The following CSNK1G1 variants were observed in gnomAD, a reference collection of about 807,000 sequenced individuals.
CSNK1G1 encodes casein kinase I isoform gamma-1.
Under a neutral mutation model 59.6 loss-of-function variants are expected in CSNK1G1, and 22 were observed. That is an observed-to-expected ratio of 0.37 (90% confidence interval 0.26 to 0.53). CSNK1G1 has a LOEUF of 0.53. Among genes scored for constraint, CSNK1G1 ranks in the 20% least tolerant of loss-of-function variants. The pLI, the probability that CSNK1G1 is intolerant of heterozygous loss-of-function variation, is 0.89. For missense variants in CSNK1G1, 384 were observed against 519.5 expected (o/e 0.74, Z 2.54); for synonymous variants, 179 against 177.1 (o/e 1.01, Z -0.08).
intron 2 of CSNK1G1, among the ~76,000 whole-genome samples, chr15:64,270,035 G>A (rs545126580): frequency 6.6e-6 from 1 of 152,148 alleles, no homozygotes; most frequent in East Asian, 1.9e-4. Context: ...TTGAACTCCT[G>A]ACCCTCAAGT....
intron 1 of CSNK1G1, among the ~76,000 whole-genome samples, chr15:64,331,443 A>G (rs1233188716): frequency 4.3e-5 from 2 of 46,880 alleles, no homozygotes; most frequent in South Asian, 1.5e-3. Flanking sequence ...TCCCTATTTA[A>G]TAAATGGTGC....
rs548110148 is a variant in CSNK1G1 at position 64,265,714 on chromosome 15, C to T, written c.182-6473G>A. The stretch of plus-strand genomic sequence containing the variant: ...ATTCAACCAAAGGGGTGAATGATCT[C>T]TACAAGGGAAACTATAAAATACCAA... On this transcript the variant is annotated intron_variant, in intron 2 of 11. Coordinates refer to ENST00000303052, the MANE Select transcript of CSNK1G1 (RefSeq NM_022048.5). 1.9e-3 allele frequency: 819 copies of T among 442,048 alleles called. 4 individuals are homozygous for T. The highest frequency in any genetic ancestry group is 2.6e-3 in the Non-Finnish European group (578 of 222,190). The allele number at this position is 442,048 out of a possible 1,614,324, so 27.4% of individuals were successfully genotyped here.
At chr15:64,213,183 A>G (rs2082270103) in intron 6 of CSNK1G1, among the ~76,000 whole-genome samples, 1 of 152,044 alleles carries the variant, frequency 6.6e-6, no homozygotes, top group Non-Finnish European at 1.5e-5. Context: ...TTTTCTTCAA[A>G]TAGAATCTTC....
intron 4 of CSNK1G1, among the ~76,000 whole-genome samples, chr15:64,243,606 T>C (rs1400145135): frequency 6.6e-6 from 1 of 152,164 alleles, no homozygotes; most frequent in African/African-American, 2.4e-5. Flanking sequence ...GGAAGTCGAA[T>C]TGTCCCTATA....
intron 4 of CSNK1G1, among the ~76,000 whole-genome samples, chr15:64,242,584 A>G (rs1203891696): frequency 1.3e-5 from 2 of 152,230 alleles, no homozygotes; most frequent in Admixed American, 1.3e-4. Flanking sequence ...TATAATTTAT[A>G]CAGTCTCAGG....
At position 64,166,325 on chromosome 15, in the gene CSNK1G1, G is replaced by A. The variant is rs948718974; in HGVS notation, c.*5606C>T. The A allele has an allele frequency of 3.7e-6, 1 of 273,430 alleles. No homozygotes were observed. Among genetic ancestry groups the A allele is most frequent in the East Asian group, 6.2e-5 (1 of 16,042 alleles). The allele number at this position is 273,430 out of a possible 1,614,324, so 16.9% of individuals were successfully genotyped here. A position where few individuals can be genotyped will look rare whatever the true frequency, so the allele number is the denominator to read the frequency against. On this transcript the variant is annotated 3_prime_UTR_variant, in exon 12 of 12. Coordinates refer to ENST00000303052, the MANE Select transcript of CSNK1G1 (RefSeq NM_022048.5). The surrounding 1 kb of genome is among the most constrained non-coding windows in gnomAD (Gnocchi z 4.5). ...AATCAACATTATTTTCCATTGGGGGGTATATATTTTTGGTTTATCTTTATC... is the reference window on the plus strand; with the variant it reads ...AATCAACATTATTTTCCATTGGGGGATATATATTTTTGGTTTATCTTTATC...
intron 1 of CSNK1G1, among the ~76,000 whole-genome samples, chr15:64,308,440 TAAAGGGAGCC>T (rs1217079990): frequency 3.3e-5 from 1 of 30,442 alleles, no homozygotes; most frequent in Non-Finnish European, 1.6e-4. Context: ...TGTTCATTAT[TAAAGGGAGCC>T]AAAGCAAAAT....
intron 1 of CSNK1G1, among the ~76,000 whole-genome samples, chr15:64,306,031 T>G (rs1001310537): frequency 1.3e-5 from 2 of 152,130 alleles, no homozygotes; most frequent in African/African-American, 4.8e-5. Context: ...CACAAAATGA[T>G]AAAACTCCTA....
In CSNK1G1 at chr15:64,356,165, G is replaced by C. The variant is rs1898668328; in HGVS notation, c.-402C>G. 1 of 152,210 alleles carries C rather than the reference G, an allele frequency of 6.6e-6. No homozygotes were observed. Among genetic ancestry groups the C allele is most frequent in the African/African-American group, 2.4e-5 (1 of 41,432 alleles). 9.4% of individuals were successfully genotyped at this position (152,210 alleles called of 1,614,324 possible). On this transcript the variant is annotated 5_prime_UTR_variant, in exon 1 of 12. Coordinates refer to ENST00000303052, the MANE Select transcript of CSNK1G1 (RefSeq NM_022048.5). ...GCCGAGGGGCGGCTGGAGCCGAACC[G>C]GAACCACTAGCGCGGCCCCGCCCTC...
intron 9 of CSNK1G1, among the ~76,000 whole-genome samples, chr15:64,203,692 C>T (rs1481732341): frequency 2.1e-5 from 2 of 95,876 alleles, no homozygotes; most frequent in Admixed American, 1.0e-4. Flanking sequence ...AGTGAAACTC[C>T]GTAAAAAAAA....
At chr15:64,258,744 C>A (rs1036090567) in intron 3 of CSNK1G1, among the ~76,000 whole-genome samples, 1 of 152,048 alleles carries the variant, frequency 6.6e-6, no homozygotes. Context: ...GACTTCTTTG[C>A]TTCTAATATG....
chr15:64,286,372 AATATTGTTAACAATATATTGTTAACTC>A (rs1894421717), intron 2 of CSNK1G1, among the ~76,000 whole-genome samples: 1 of 151,444 alleles, frequency 6.6e-6, no homozygotes, highest in South Asian at 2.1e-4. Context: ...TATTGTTAAC[AATATTGTTAACAATATATTGTTAACTC>A]ATATTGTTAA....
intron 2 of CSNK1G1, among the ~76,000 whole-genome samples, chr15:64,279,209 C>G (rs572519387): frequency 1.8e-4 from 28 of 152,292 alleles, no homozygotes; most frequent in African/African-American, 6.7e-4. Flanking sequence ...CATACATACA[C>G]CCATGTAACT....
rs2081666370 is a variant in CSNK1G1, at chr15:64,171,636, G to A, written c.*295C>T. The A allele has an allele frequency of 4.4e-6, 2 of 457,174 alleles. No individual in the cohort carries two copies. Among genetic ancestry groups the A allele is most frequent in the Admixed American group, 7.2e-5 (2 of 27,858 alleles). The allele number at this position is 457,174 out of a possible 1,614,324, so 28.3% of individuals were successfully genotyped here. A position where few individuals can be genotyped will look rare whatever the true frequency, so the allele number is the denominator to read the frequency against. ...TAGCAGTCCTTGAGTTTTTGTGAATGACACCTTCACTGTAAACAATGGGAA... is the reference window on the plus strand; with the variant it reads ...TAGCAGTCCTTGAGTTTTTGTGAATAACACCTTCACTGTAAACAATGGGAA... On this transcript the variant is annotated 3_prime_UTR_variant, in exon 12 of 12. Coordinates refer to ENST00000303052, the MANE Select transcript of CSNK1G1 (RefSeq NM_022048.5). The surrounding 1 kb of genome is among the most constrained non-coding windows in gnomAD (Gnocchi z 4.8).
At chr15:64,257,098 T>C (rs931113554) in intron 3 of CSNK1G1, among the ~76,000 whole-genome samples, 5 of 151,768 alleles carry the variant, frequency 3.3e-5, no homozygotes, top group Admixed American at 2.0e-4. Flanking sequence ...TAAAATGGCT[T>C]TGAGACTTAT....
Position 64,214,089 on chromosome 15 carries a change from G to A in CSNK1G1, c.480C>T (p.Leu160=), listed in dbSNP as rs2082280731. The A allele has an allele frequency of 1.2e-6, 2 of 1,614,078 alleles. No individual in the cohort carries two copies. The highest frequency in any genetic ancestry group is 1.7e-6 in the Non-Finnish European group (2 of 1,179,958). Residue 160 remains leucine (L), a synonymous_variant, in exon 6 of 12, where the codon CTC becomes CTT. Coordinates refer to ENST00000303052, the MANE Select transcript of CSNK1G1 (RefSeq NM_022048.5). This position sits in a 1 kb window ranked among gnomAD's most constrained non-coding sequence, Gnocchi z 4.3. The stretch of plus-strand genomic sequence containing the variant: ...TCTCTGGCTTGACATCTCGGTAAAT[G>A]AGGTTCTTTGAGTGCACGTATTCCA... ...SRMEYVHSKN[L]IYRDVKPENF... is the part of the protein sequence containing the mutation.
chr15:64,275,666 AG>A (rs1223407947), intron 2 of CSNK1G1, among the ~76,000 whole-genome samples: 1 of 152,172 alleles, frequency 6.6e-6, no homozygotes, highest in East Asian at 1.9e-4. Flanking sequence ...TGTTTTCTAA[AG>A]TGTAGAACAT....
intron 3 of CSNK1G1, among the ~76,000 whole-genome samples, chr15:64,257,771 G>T (rs1200183860): frequency 6.6e-6 from 1 of 152,160 alleles, no homozygotes; most frequent in Non-Finnish European, 1.5e-5. Context: ...CAATCTGCCT[G>T]CCTTGGCTTC....
At chr15:64,228,275 T>C (rs1181805896) in intron 4 of CSNK1G1, among the ~76,000 whole-genome samples, 1 of 152,160 alleles carries the variant, frequency 6.6e-6, no homozygotes, top group Non-Finnish European at 1.5e-5. Context: ...CAGACAGATA[T>C]AGCATGGATA....
Sources: gnomAD v4.1 joint callset for allele counts (sites outside exome capture counted in the v4.1 genomes callset) on GRCh38, gnomAD v4.1.1 for gene constraint, Gnocchi (gnomAD v3.1) non-coding constraint, MANE v1.5 for transcripts, NCBI Gene and HGNC (gene_info 2026-07-23, HGNC 2026-07-21) for gene names.